KYNU: variants seen among roughly 807,000 people sequenced by gnomAD.
KYNU encodes L-kynurenine hydrolase.
In KYNU, 54 loss-of-function variants were observed where a neutral mutation model predicts 59.2. The ratio of observed to expected loss-of-function variants is 0.91; its 90% CI spans 0.73 to 1.14. The LOEUF (loss-of-function observed/expected upper bound fraction) is 1.14. KYNU is among the 50% of genes most tolerant of loss of function. The pLI is 0.00. For synonymous variants in KYNU, 177 were observed against 192.0 expected, an observed-to-expected ratio of 0.92 and a Z score of 0.65; for missense variants, 567 against 554.4, an observed-to-expected ratio of 1.02 and a Z score of -0.23.
chr2:142,885,599 T>TTA, intron 2 of KYNU, 63 bp downstream of exon 2: 9 of 1,337,638 alleles, frequency 6.7e-6, no homozygotes, highest in Non-Finnish European at 9.4e-6. Context: ...CTGCATGTGT[T>TTA]TATTATAATC....
rs552087826 is a variant in KYNU at position 143,002,002 on chromosome 2, A to G, written c.902+15981A>G. Among the ~76,000 whole-genome samples the G allele has an allele frequency of 2.3e-4, 35 of 152,208 alleles. No homozygotes were observed. In the East Asian group the frequency reaches 6.8e-3, roughly 29 times the overall value. On this transcript the variant is annotated intron_variant, in intron 10 of 13. Coordinates refer to ENST00000264170, the MANE Select transcript of KYNU (RefSeq NM_003937.3). ...ATTTGATTCGCCAGGCCATTCTTAA[A>G]TGTTCTATGGGATTTTATAGCTTCC... is the stretch of plus-strand genomic sequence containing the variant.
At chr2:142,907,325 A>G (rs1682333688) in intron 2 of KYNU, among the ~76,000 whole-genome samples, 1 of 152,146 alleles carries the variant, frequency 6.6e-6, no homozygotes, top group Non-Finnish European at 1.5e-5. Flanking sequence ...ATGGAAGAGA[A>G]CCATGGAAAC....
At chr2:142,894,824 T>C (rs545324659) in intron 2 of KYNU, among the ~76,000 whole-genome samples, 1 of 152,318 alleles carries the variant, frequency 6.6e-6, no homozygotes, top group African/African-American at 2.4e-5. Context: ...TGCTTCTTTT[T>C]GTCCAAGTAT....
chr2:142,900,122 C>A lies in KYNU; in HGVS notation c.169+14586C>A, dbSNP rs138208687. Among the ~76,000 whole-genome samples, 1,177 of 152,310 alleles carry A rather than the reference C, an allele frequency of 7.7e-3. 10 individuals are homozygous for A. The highest frequency in any genetic ancestry group is 0.02 in the Middle Eastern group (6 of 294). On this transcript the variant is annotated intron_variant, in intron 2 of 13. Coordinates refer to ENST00000264170, the MANE Select transcript of KYNU (RefSeq NM_003937.3). ...GGAAGAGAACCGTGGAACCCAGTGA[C>A]TAGTGTTCAGCTCCATTAGGATGAA...
intron 10 of KYNU, among the ~76,000 whole-genome samples, chr2:143,018,614 A>G (rs546067568): frequency 1.3e-5 from 2 of 152,158 alleles, no homozygotes; most frequent in Non-Finnish European, 2.9e-5. Flanking sequence ...TGCTTTGTCT[A>G]TTTGGGCTCT....
intron 2 of KYNU, among the ~76,000 whole-genome samples, chr2:142,906,809 T>C (rs1463748545): frequency 6.6e-6 from 1 of 152,090 alleles, no homozygotes; most frequent in African/African-American, 2.4e-5. Flanking sequence ...TGCACCATGA[T>C]CTCGACCGGC....
chr2:143,006,484 C>T (rs1187867407), intron 10 of KYNU, among the ~76,000 whole-genome samples: 16 of 135,760 alleles, frequency 1.2e-4, no homozygotes, highest in Non-Finnish European at 1.9e-4. Flanking sequence ...GGGGGAGGGG[C>T]GCCCGCCATT....
At chr2:142,987,472 G>A (rs1294516231) in intron 10 of KYNU, among the ~76,000 whole-genome samples, 2 of 151,944 alleles carry the variant, frequency 1.3e-5, no homozygotes, top group Admixed American at 6.6e-5. Flanking sequence ...GCTCACATAT[G>A]CCTCATTTTG....
rs566402394 is a variant in KYNU at position 142,910,017 on chromosome 2, C to G, written c.170-8592C>G. 5.1e-4 allele frequency among the ~76,000 whole-genome samples: 78 copies of G among 151,810 alleles called. 1 individual carries two copies. The highest frequency in any genetic ancestry group is 8.4e-4 in the Non-Finnish European group (57 of 67,934). ...TTCTGACTGGTGTGAGATGGTATCT[C>G]ATTGCAGTTTTGATTTGCATTTCAC... On this transcript the variant is annotated intron_variant, in intron 2 of 13. Coordinates refer to ENST00000264170, the MANE Select transcript of KYNU (RefSeq NM_003937.3).
intron 2 of KYNU, among the ~76,000 whole-genome samples, chr2:142,902,112 C>T: frequency 6.6e-6 from 1 of 152,150 alleles, no homozygotes; most frequent in Middle Eastern, 3.2e-3. Flanking sequence ...ATGAGATGTC[C>T]ACACAGTAAG....
intron 5 of KYNU, among the ~76,000 whole-genome samples, chr2:142,955,518 A>G (rs1293744828): frequency 6.6e-6 from 1 of 152,100 alleles, no homozygotes; most frequent in Non-Finnish European, 1.5e-5. Context: ...ACTCCCAGCT[A>G]AATTACATAA....
chr2:143,028,629 T>G (rs1371082444), intron 10 of KYNU, among the ~76,000 whole-genome samples: 1 of 150,938 alleles, frequency 6.6e-6, no homozygotes, highest in Non-Finnish European at 1.5e-5. Flanking sequence ...GCTGATCACC[T>G]GAGGTCGGGA....
intron 8 of KYNU, among the ~76,000 whole-genome samples, chr2:142,983,916 T>G (rs1685122368): frequency 6.6e-6 from 1 of 152,052 alleles, no homozygotes; most frequent in Admixed American, 6.6e-5. Context: ...CAATCTCTTT[T>G]TTTCTCTTTT....
At chr2:142,938,077 C>T (rs1683456261) in intron 4 of KYNU, among the ~76,000 whole-genome samples, 1 of 152,152 alleles carries the variant, frequency 6.6e-6, no homozygotes, top group African/African-American at 2.4e-5. Flanking sequence ...GAGGGTACCT[C>T]CTCATGCTGG....
chr2:142,906,512 C>G (rs995536064), intron 2 of KYNU, among the ~76,000 whole-genome samples: 4 of 152,098 alleles, frequency 2.6e-5, no homozygotes, highest in African/African-American at 9.7e-5. Flanking sequence ...TTGGGAGGGG[C>G]ACCAGGGACA....
chr2:142,950,160 C>G (rs1683939921), intron 4 of KYNU, among the ~76,000 whole-genome samples: 1 of 152,190 alleles, frequency 6.6e-6, no homozygotes, highest in African/African-American at 2.4e-5. Flanking sequence ...GCATTTTGGT[C>G]AAAGCCATTT....
chr2:143,042,048 G>A lies in KYNU; in HGVS notation c.1274G>A (p.Cys425Tyr). Residue 425 changes from cysteine to tyrosine, a missense_variant and splice_region_variant, in exon 14 of 14, where the codon TGT becomes TAT. By Grantham distance (194) the Cys-to-Tyr change is radical. Transcript: ENST00000264170. Reference protein sequence around the residue: ...FQELEKRGVVCDKRNPNGIRV... With the variant: ...FQELEKRGVVYDKRNPNGIRV... Reference sequence around the variant, plus strand: ...TGTGGCTTTATTTTTTCCCCACAGTGTGACAAGCGGAATCCAAATGGCATT... The same window carrying A: ...TGTGGCTTTATTTTTTCCCCACAGTATGACAAGCGGAATCCAAATGGCATT... 1 of 1,611,552 alleles carries A rather than the reference G, an allele frequency of 6.2e-7. No homozygotes were observed. The highest frequency in any genetic ancestry group is 1.7e-4 in the Middle Eastern group (1 of 6,036).
At chr2:143,005,433 A>G (rs1379883257) in intron 10 of KYNU, among the ~76,000 whole-genome samples, 2 of 152,106 alleles carry the variant, frequency 1.3e-5, no homozygotes, top group African/African-American at 4.8e-5. Flanking sequence ...CGACCTAGAG[A>G]AACTGGAAAG....
chr2:142,925,639 C>G (rs919553038), intron 3 of KYNU, among the ~76,000 whole-genome samples: 2 of 152,144 alleles, frequency 1.3e-5, no homozygotes, highest in Non-Finnish European at 2.9e-5. Flanking sequence ...CCAGTACTGA[C>G]CTGGAGCTGG....
Sources: allele counts gnomAD v4.1 joint callset (sites outside exome capture counted in the v4.1 genomes callset), GRCh38; gene constraint gnomAD v4.1.1; transcripts MANE v1.5; gene names NCBI Gene and HGNC (gene_info 2026-07-23, HGNC 2026-07-21).